NPAS3: variants seen among roughly 807,000 people sequenced by gnomAD.
The protein encoded by NPAS3 is neuronal PAS domain-containing protein 3.
NPAS3 carries 14 observed loss-of-function variants against 73.1 expected under a neutral mutation model. That is an observed-to-expected ratio of 0.19 (90% CI 0.13 to 0.30). The LOEUF (loss-of-function observed/expected upper bound fraction) is 0.30, where lower values mean the gene tolerates loss of function less well. Among genes scored for constraint, NPAS3 ranks in the 10% least tolerant of loss-of-function variants. The pLI is 1.00. For synonymous variants in NPAS3, 620 were observed against 541.5 expected, an observed-to-expected ratio of 1.14 and a Z score of -2.01; for missense variants, 1,096 against 1,250.0, an observed-to-expected ratio of 0.88 and a Z score of 1.86.
At chr14:33,793,053 A>G (rs2063408377) in intron 9 of NPAS3, among the ~76,000 whole-genome samples, 1 of 152,246 alleles carries the variant, frequency 6.6e-6, no homozygotes, top group Admixed American at 6.5e-5. Context: ...GATACAAATC[A>G]AATCAATTTC....
intron 1 of NPAS3, among the ~76,000 whole-genome samples, chr14:32,947,696 A>C (rs1168526136): frequency 6.6e-6 from 1 of 152,130 alleles, no homozygotes; most frequent in African/African-American, 2.4e-5. Context: ...GATATCTTGA[A>C]CATTATAAAT....
At chr14:33,392,612 T>G (rs1274796790) in intron 4 of NPAS3, among the ~76,000 whole-genome samples, 1 of 152,174 alleles carries the variant, frequency 6.6e-6, no homozygotes, top group African/African-American at 2.4e-5. Flanking sequence ...AGTGCATCAT[T>G]CTTTTGTGTT....
intron 6 of NPAS3, among the ~76,000 whole-genome samples, chr14:33,733,487 C>G (rs1482661723): frequency 6.6e-6 from 1 of 152,088 alleles, no homozygotes; most frequent in African/African-American, 2.4e-5. Context: ...TTGATTAAAA[C>G]TAATGAGCTC....
rs1406731636 is a variant in NPAS3, at chr14:33,800,487, G to C, written c.2180G>C (p.Arg727Pro). The change falls in exon 12 of 12, where the codon CGC (arginine) becomes CCC (proline). Residue 727 changes from arginine to proline, a missense_variant. Transcript: ENST00000356141. The surrounding 1 kb of genome is among the most constrained non-coding windows in gnomAD (Gnocchi z 6.5). ...CCCGGCGCCGACGGCGCGGCCGCCC[G>C]CAAGACTCAGTTCGGCGCCTCGGCC... is the stretch of plus-strand genomic sequence containing the variant. 6.8e-7 allele frequency: 1 copy of C among 1,477,228 alleles called. No individual in the cohort carries two copies. The highest frequency in any genetic ancestry group is 8.9e-7 in the Non-Finnish European group (1 of 1,120,628). The allele number at this position is 1,477,228 out of a possible 1,614,324, so 91.5% of individuals were successfully genotyped here.
At chr14:33,722,892 A>T (rs569195021) in intron 6 of NPAS3, among the ~76,000 whole-genome samples, 1 of 152,252 alleles carries the variant, frequency 6.6e-6, no homozygotes, top group South Asian at 2.1e-4. Context: ...GATGTGCTGG[A>T]ATTGAGCCAT....
In NPAS3 at chr14:33,755,490, T is replaced by C. The variant is rs143917784; in HGVS notation, c.853-18847T>C. On this transcript the variant is annotated intron_variant, in intron 7 of 11. Coordinates refer to ENST00000356141, the Ensembl canonical transcript of NPAS3. Reference sequence around the variant, plus strand: ...GCTGAAAGTTACTACCATGACGCCATCCCTGCCGTGGGGTCTGTGAATTGC... The same window carrying C: ...GCTGAAAGTTACTACCATGACGCCACCCCTGCCGTGGGGTCTGTGAATTGC... Among the ~76,000 whole-genome samples, 93 of 152,272 alleles carry C rather than the reference T, an allele frequency of 6.1e-4. 1 individual carries two copies. Among genetic ancestry groups the C allele is most frequent in the African/African-American group, 2.1e-3 (88 of 41,566 alleles).
At chr14:32,956,608 A>C in intron 1 of NPAS3, among the ~76,000 whole-genome samples, 1 of 152,138 alleles carries the variant, frequency 6.6e-6, no homozygotes, top group Non-Finnish European at 1.5e-5. Flanking sequence ...TTCTGTCTTT[A>C]CTCTGGACAT....
chr14:33,308,450 G>A (rs1438207537), intron 3 of NPAS3, among the ~76,000 whole-genome samples: 1 of 150,874 alleles, frequency 6.6e-6, no homozygotes, highest in Non-Finnish European at 1.5e-5. Context: ...TCTGAAGAGT[G>A]TGATTGAAGT....
In NPAS3 at chr14:33,778,582, T is replaced by C. The variant is rs2062890166; in HGVS notation, c.1153+10T>C. On this transcript the variant is annotated intron_variant, in intron 9 of 11. Coordinates refer to ENST00000356141, the Ensembl canonical transcript of NPAS3. Reference sequence around the variant, plus strand: ...CACAGTCACTTGGACTGTAAGTACCTCCTGTGTGGGGGAATAACCCCGGCT... The same window carrying C: ...CACAGTCACTTGGACTGTAAGTACCCCCTGTGTGGGGGAATAACCCCGGCT... The C allele has an allele frequency of 1.9e-6, 3 of 1,584,550 alleles. No individual in the cohort carries two copies. The highest frequency in any genetic ancestry group is 2.6e-6 in the Non-Finnish European group (3 of 1,153,208).
intron 2 of NPAS3, among the ~76,000 whole-genome samples, chr14:33,133,263 C>T (rs1257529762): frequency 1.3e-5 from 2 of 152,056 alleles, no homozygotes; most frequent in Non-Finnish European, 2.9e-5. Flanking sequence ...CACACATACA[C>T]TACATAAAAA....
At chr14:33,650,466 A>C (rs1356213500) in intron 5 of NPAS3, among the ~76,000 whole-genome samples, 1 of 152,202 alleles carries the variant, frequency 6.6e-6, no homozygotes, top group Non-Finnish European at 1.5e-5. Flanking sequence ...GAAAATAATT[A>C]AGCATGATAA....
intron 1 of NPAS3, among the ~76,000 whole-genome samples, chr14:33,029,150 G>T (rs1055893419): frequency 6.6e-6 from 1 of 152,144 alleles, no homozygotes; most frequent in Non-Finnish European, 1.5e-5. Flanking sequence ...AGACAGAAGG[G>T]AACATAGGAG....
At chr14:33,345,754 C>G (rs1003849346) in intron 3 of NPAS3, among the ~76,000 whole-genome samples, 2 of 152,162 alleles carry the variant, frequency 1.3e-5, no homozygotes, top group Non-Finnish European at 2.9e-5. Flanking sequence ...ACAAGCTGCC[C>G]TCTGCTGAGA....
At chr14:33,763,211 G>A (rs1431369166) in intron 7 of NPAS3, among the ~76,000 whole-genome samples, 2 of 152,162 alleles carry the variant, frequency 1.3e-5, no homozygotes, top group Admixed American at 1.3e-4. Context: ...GGAGGTACTT[G>A]GCACCGCCGT....
chr14:33,025,066 G>A (rs950920656), intron 1 of NPAS3, among the ~76,000 whole-genome samples: 1 of 152,198 alleles, frequency 6.6e-6, no homozygotes, highest in African/African-American at 2.4e-5. Context: ...AGTAACGTAT[G>A]TGTCTTCATA....
chr14:33,775,737 C>T (rs1425947770), intron 8 of NPAS3, among the ~76,000 whole-genome samples: 4 of 152,164 alleles, frequency 2.6e-5, no homozygotes, highest in Admixed American at 6.5e-5. Flanking sequence ...TGTTTATGAT[C>T]GTGACATCGT....
At chr14:33,768,642 G>A (rs1003986162) in intron 7 of NPAS3, among the ~76,000 whole-genome samples, 4 of 152,084 alleles carry the variant, frequency 2.6e-5, no homozygotes, top group Admixed American at 2.6e-4. Flanking sequence ...GAGAATTGTA[G>A]GCATCATTGC....
At chr14:32,975,967 C>A (rs1047365663) in intron 1 of NPAS3, among the ~76,000 whole-genome samples, 2 of 151,964 alleles carry the variant, frequency 1.3e-5, no homozygotes, top group African/African-American at 4.8e-5. Context: ...TTTTCTTCCT[C>A]TGGCCTCCTT....
intron 2 of NPAS3, among the ~76,000 whole-genome samples, chr14:33,062,506 G>A (rs780055436): frequency 6.6e-6 from 1 of 152,152 alleles, no homozygotes; most frequent in Non-Finnish European, 1.5e-5. Context: ...ATGCCAGAGA[G>A]TAAAAATGGA....
Sources: gnomAD v4.1 joint callset for allele counts (sites outside exome capture counted in the v4.1 genomes callset) on GRCh38, gnomAD v4.1.1 for gene constraint, Gnocchi (gnomAD v3.1) non-coding constraint, MANE v1.5 for transcripts, NCBI Gene and HGNC (gene_info 2026-07-23, HGNC 2026-07-21) for gene names.